Variants in CLVS2 observed in about 807,000 individuals in gnomAD.
The protein encoded by CLVS2 is clavesin 2, also known as clavesin-2.
Under a neutral mutation model 29.0 loss-of-function variants are expected in CLVS2, and 19 were observed. That is an observed-to-expected ratio of 0.66 (90% CI 0.46 to 0.96). The LOEUF (loss-of-function observed/expected upper bound fraction) is 0.96. Among genes scored for constraint, CLVS2 ranks in the 40% least tolerant of loss-of-function variants. The pLI, the probability that CLVS2 is intolerant of heterozygous loss-of-function variation, is 0.00. For missense variants in CLVS2, 294 were observed against 404.1 expected, an observed-to-expected ratio of 0.73 and a Z score of 2.34; for synonymous variants, 161 against 151.3, an observed-to-expected ratio of 1.06 and a Z score of -0.47.
intron 3 of CLVS2, among the ~76,000 whole-genome samples, chr6:123,038,918 GGAAGCAACA>G (rs1258888677): frequency 2.0e-5 from 3 of 152,086 alleles, no homozygotes; most frequent in African/African-American, 7.2e-5. Context: ...ACTGATGTCT[GGAAGCAACA>G]TTATGGACAT....
intron 2 of CLVS2, among the ~76,000 whole-genome samples, chr6:123,009,871 G>C (rs965042657): frequency 6.6e-6 from 1 of 151,898 alleles, no homozygotes; most frequent in African/African-American, 2.4e-5. Context: ...ATTGAACTTA[G>C]AGTCTATAAG....
intron 2 of CLVS2, among the ~76,000 whole-genome samples, chr6:123,009,429 A>G (rs1392752161): frequency 1.3e-5 from 2 of 152,094 alleles, no homozygotes. Context: ...CTGAAATGGT[A>G]AGAAATTGCC....
intron 2 of CLVS2, among the ~76,000 whole-genome samples, chr6:123,006,655 G>T (rs1204801176): frequency 6.6e-6 from 1 of 152,184 alleles, no homozygotes; most frequent in Non-Finnish European, 1.5e-5. Flanking sequence ...ATTGATTAAT[G>T]TACGCAATCC....
Position 122,997,224 on chromosome 6 carries a change from C to CTAGA in CLVS2, c.-553_-552insAGAT, listed in dbSNP as rs1562160153. The CTAGA allele has an allele frequency of 6.0e-6, 1 of 167,604 alleles. No individual in the cohort carries two copies. The allele number at this position is 167,604 out of a possible 1,614,324, so 10.4% of individuals were successfully genotyped here. On this transcript the variant is annotated 5_prime_UTR_variant, in exon 2 of 6. It introduces an in-frame stop codon into an upstream open reading frame of the 5' UTR. Transcript: ENST00000275162. ...TCTTTTTCTTTCTGGCAAAGATGAT[C>CTAGA]TCTCTCCGCCCTGGAGCTCAGCGCT...
intron 3 of CLVS2, among the ~76,000 whole-genome samples, chr6:123,021,528 T>C (rs1562166591): frequency 6.6e-6 from 1 of 152,096 alleles, no homozygotes; most frequent in Admixed American, 6.6e-5. Flanking sequence ...ATAACATTTC[T>C]GTTTTGTAAT....
chr6:123,019,395 C>G (rs1774890285), intron 3 of CLVS2, among the ~76,000 whole-genome samples: 1 of 152,042 alleles, frequency 6.6e-6, no homozygotes, highest in Non-Finnish European at 1.5e-5. Context: ...AACTTTAATT[C>G]CTACATTCAA....
chr6:123,034,792 G>A (rs939019872), intron 3 of CLVS2, among the ~76,000 whole-genome samples: 2 of 152,016 alleles, frequency 1.3e-5, no homozygotes, highest in Admixed American at 6.6e-5. Context: ...GGTTTTAGTC[G>A]TTATTCTAGT....
At chr6:123,037,749 A>C (rs1002270718) in intron 3 of CLVS2, among the ~76,000 whole-genome samples, 1 of 152,124 alleles carries the variant, frequency 6.6e-6, no homozygotes, top group Non-Finnish European at 1.5e-5. Context: ...TTAAACTAAA[A>C]TAAACTAAAC....
intron 3 of CLVS2, among the ~76,000 whole-genome samples, chr6:123,041,929 T>TTATTTCAAAATATATTCG (rs1431243263): frequency 7.9e-5 from 12 of 152,140 alleles, no homozygotes; most frequent in Admixed American, 7.9e-4. Context: ...GAGGGCACAA[T>TTATTTCAAAATATATTCG]TATTTCAAAA....
At chr6:123,042,695 T>C (rs1168682556) in intron 3 of CLVS2, among the ~76,000 whole-genome samples, 1 of 152,182 alleles carries the variant, frequency 6.6e-6, no homozygotes, top group Non-Finnish European at 1.5e-5. Context: ...CTGGTTGGAA[T>C]GTTTTGGTAA....
At chr6:123,009,510 T>A (rs1774718995) in intron 2 of CLVS2, among the ~76,000 whole-genome samples, 1 of 152,064 alleles carries the variant, frequency 6.6e-6, no homozygotes, top group Non-Finnish European at 1.5e-5. Flanking sequence ...CCAAGTGTTT[T>A]TAGAAGTAAA....
Position 123,063,761 on chromosome 6 carries a change from A to C in CLVS2, c.984A>C (p.Ter328TyrextTer1), listed in dbSNP as rs1427740433. The C allele has an allele frequency of 6.3e-7, 1 of 1,591,156 alleles. No individual in the cohort carries two copies. Among genetic ancestry groups the C allele is most frequent in the South Asian group, 1.1e-5 (1 of 90,536 alleles). The change falls in exon 6 of 6, where the codon TAA (stop) becomes TAC (tyrosine). Residue 328 changes from the stop codon to tyrosine (Y), a stop_lost. Transcript: ENST00000275162. ...TGCAACCATTGCTTTCTCTGGACTA[A>C]TAACTTCTCTACATCCCCTTCATGG... is the stretch of plus-strand genomic sequence containing the variant. The part of the protein sequence containing the change: ...ENMQPLLSLD[*>Y]
chr6:122,997,630 T>C lies in CLVS2; in HGVS notation c.-148T>C. ...AAGCAGGAGCAACAGGGCACTTGAT[T>C]GGACACCAAGATTATTAATTTCCTG... On this transcript the variant is annotated 5_prime_UTR_variant, in exon 2 of 6. Transcript: ENST00000275162. 1 of 791,968 alleles carries C rather than the reference T, an allele frequency of 1.3e-6. No homozygotes were observed. Among genetic ancestry groups the C allele is most frequent in the Non-Finnish European group, 2.0e-6 (1 of 491,316 alleles). The allele number at this position is 791,968 out of a possible 1,614,324, so 49.1% of individuals were successfully genotyped here.
chr6:123,016,021 CTTTTTTTTTTTTTT>C (rs58103603), intron 3 of CLVS2, among the ~76,000 whole-genome samples: 5 of 50,810 alleles, frequency 9.8e-5, no homozygotes, highest in Non-Finnish European at 1.6e-4. Context: ...CAACATCAGA[CTTTTTTTTTTTTTT>C]TTTTTTTTTT....
chr6:123,026,655 A>T (rs1384396595), intron 3 of CLVS2, among the ~76,000 whole-genome samples: 1 of 152,220 alleles, frequency 6.6e-6, no homozygotes, highest in Non-Finnish European at 1.5e-5. Context: ...TCTTTTGAAA[A>T]GCATATTTTA....
chr6:122,998,456 C>A (rs1041011257), intron 2 of CLVS2, among the ~76,000 whole-genome samples: 1 of 152,136 alleles, frequency 6.6e-6, no homozygotes, highest in Non-Finnish European at 1.5e-5. Context: ...GTAAATAAAG[C>A]TTCTCTGTAT....
At chr6:123,033,348 T>TATTA (rs1775108939) in intron 3 of CLVS2, among the ~76,000 whole-genome samples, 1 of 152,066 alleles carries the variant, frequency 6.6e-6, no homozygotes, top group African/African-American at 2.4e-5. Flanking sequence ...TATTAGAATG[T>TATTA]GGAACTAACA....
chr6:123,050,129 C>T (rs367742103), intron 4 of CLVS2, among the ~76,000 whole-genome samples: 2 of 152,124 alleles, frequency 1.3e-5, no homozygotes, highest in African/African-American at 4.8e-5. Flanking sequence ...AGGAAGAATT[C>T]TATAAACAAT....
chr6:123,060,338 T>C (rs1249800838), intron 5 of CLVS2, among the ~76,000 whole-genome samples: 2 of 152,230 alleles, frequency 1.3e-5, no homozygotes, highest in Non-Finnish European at 2.9e-5. Context: ...TTTTACCTTA[T>C]GCCGCCAATG....
Sources: gnomAD v4.1 joint callset for allele counts (sites outside exome capture counted in the v4.1 genomes callset) on GRCh38, gnomAD v4.1.1 for gene constraint, MANE v1.5 for transcripts, NCBI Gene and HGNC (gene_info 2026-07-23, HGNC 2026-07-21) for gene names.